MYOZ2: variants seen among roughly 807,000 people sequenced by gnomAD.
MYOZ2 encodes myozenin-2.
Under a neutral mutation model 25.4 loss-of-function variants are expected in MYOZ2, and 19 were observed. The observed-to-expected ratio is 0.75, with a 90% CI of 0.52 to 1.10. The LOEUF (loss-of-function observed/expected upper bound fraction) is 1.10. MYOZ2 is among the 50% of genes least tolerant of loss of function. The pLI, the probability that MYOZ2 is intolerant of heterozygous loss-of-function variation, is 0.00. For missense variants in MYOZ2, 270 were observed against 317.9 expected (o/e 0.85, Z 1.15); for synonymous variants, 92 against 106.9 (o/e 0.86, Z 0.86).
In MYOZ2 at chr4:119,164,396, T is replaced by C. The variant is rs1001798397; in HGVS notation, c.560+2T>C. Reference sequence around the variant, plus strand: ...GCCTGATTACAGGAGCTTTAACAGGTAATTCAATGGTCCTGGGTGACACTG... The same window carrying C: ...GCCTGATTACAGGAGCTTTAACAGGCAATTCAATGGTCCTGGGTGACACTG... On this transcript the variant is annotated splice_donor_variant, in intron 5 of 5. Transcript: ENST00000307128. LOFTEE classifies it high-confidence loss of function. 10 of 1,613,830 alleles carry C rather than the reference T, an allele frequency of 6.2e-6. No individual in the cohort carries two copies. Among genetic ancestry groups the C allele is most frequent in the South Asian group, 1.1e-5 (1 of 91,076 alleles).
intron 2 of MYOZ2, among the ~76,000 whole-genome samples, chr4:119,148,682 A>G (rs1741366987): frequency 6.8e-6 from 1 of 147,274 alleles, no homozygotes; most frequent in Admixed American, 6.8e-5. Flanking sequence ...TTGAGTTCTA[A>G]AATTTTTGTT....
intron 2 of MYOZ2, among the ~76,000 whole-genome samples, 164 bp from the exon 3 acceptor site, chr4:119,150,708 A>G (rs186598140): frequency 4.2e-4 from 64 of 152,240 alleles, no homozygotes; most frequent in Admixed American, 9.2e-4. Context: ...TATTAGTATT[A>G]TTAGCTCCAC....
chr4:119,153,947 A>C (rs1170297345), intron 3 of MYOZ2, among the ~76,000 whole-genome samples: 1 of 152,142 alleles, frequency 6.6e-6, no homozygotes, highest in Non-Finnish European at 1.5e-5. Context: ...AAAATAGGCC[A>C]CCAAAAATAA....
intron 4 of MYOZ2, among the ~76,000 whole-genome samples, chr4:119,162,420 G>C (rs1217666390): frequency 6.6e-6 from 1 of 152,214 alleles, no homozygotes; most frequent in Non-Finnish European, 1.5e-5. Flanking sequence ...GCAGTGTGGA[G>C]GCTGGCTGGG....
chr4:119,143,148 G>A (rs1272194247), intron 2 of MYOZ2, among the ~76,000 whole-genome samples: 2 of 151,882 alleles, frequency 1.3e-5, no homozygotes, highest in South Asian at 2.1e-4. Flanking sequence ...CCTTTTAAAG[G>A]TCTGAGCTCT....
At chr4:119,154,285 T>C (rs1283315142) in intron 3 of MYOZ2, among the ~76,000 whole-genome samples, 1 of 152,168 alleles carries the variant, frequency 6.6e-6, no homozygotes, top group Non-Finnish European at 1.5e-5. Flanking sequence ...CTATAGGATA[T>C]GGCTCTAGTT....
intron 3 of MYOZ2, among the ~76,000 whole-genome samples, chr4:119,154,604 A>G (rs913191958): frequency 6.6e-6 from 1 of 152,128 alleles, no homozygotes; most frequent in African/African-American, 2.4e-5. Flanking sequence ...ATTATTTGTA[A>G]GTTTAGGTGA....
intron 5 of MYOZ2, among the ~76,000 whole-genome samples, chr4:119,166,522 A>G (rs1344703679): frequency 6.6e-6 from 1 of 152,122 alleles, no homozygotes; most frequent in African/African-American, 2.4e-5. Flanking sequence ...AAAAAAAAAA[A>G]AGTATATGCA....
chr4:119,173,796 G>C (rs533736930), intron 5 of MYOZ2, among the ~76,000 whole-genome samples: 4 of 152,326 alleles, frequency 2.6e-5, no homozygotes, highest in Non-Finnish European at 4.4e-5. Flanking sequence ...GGAGAGGCCC[G>C]AGCGGGAACC....
At chr4:119,185,064 C>A (rs1055627388) in intron 5 of MYOZ2, among the ~76,000 whole-genome samples, 15 of 152,160 alleles carry the variant, frequency 9.9e-5, no homozygotes, top group African/African-American at 3.6e-4. Flanking sequence ...AACTGCCTCT[C>A]TTTTATTTTC....
At chr4:119,185,401 G>A (rs866531371) in intron 5 of MYOZ2, among the ~76,000 whole-genome samples, 25 of 152,054 alleles carry the variant, frequency 1.6e-4, no homozygotes, top group African/African-American at 4.6e-4. Context: ...TGCAACCTCC[G>A]CCTCCTGGGT....
At chr4:119,165,747 A>G (rs1741810904) in intron 5 of MYOZ2, among the ~76,000 whole-genome samples, 1 of 129,766 alleles carries the variant, frequency 7.7e-6, no homozygotes, top group Non-Finnish European at 1.8e-5. Flanking sequence ...CATTAGGGGA[A>G]AATGGAAATT....
At chr4:119,138,830 C>T (rs1407974832) in intron 2 of MYOZ2, among the ~76,000 whole-genome samples, 1 of 151,956 alleles carries the variant, frequency 6.6e-6, no homozygotes, top group Non-Finnish European at 1.5e-5. Flanking sequence ...ACTTGTTGTC[C>T]TCTTAACATG....
chr4:119,166,543 C>T (rs11733239), intron 5 of MYOZ2, among the ~76,000 whole-genome samples: 52,062 of 151,716 alleles, frequency 0.34, 10,304 homozygotes, highest in East Asian at 0.52. Context: ...CAGGGATACA[C>T]AAAGTTTAAG....
At chr4:119,174,229 A>G (rs1742005887) in intron 5 of MYOZ2, among the ~76,000 whole-genome samples, 1 of 152,230 alleles carries the variant, frequency 6.6e-6, no homozygotes, top group African/African-American at 2.4e-5. Flanking sequence ...GGGATCCTCT[A>G]GGTGAAGCCA....
chr4:119,185,465 C>T (rs893196368), intron 5 of MYOZ2, among the ~76,000 whole-genome samples: 3 of 152,158 alleles, frequency 2.0e-5, no homozygotes, highest in Non-Finnish European at 2.9e-5. Flanking sequence ...CAGGTGCCCG[C>T]CACCATGCCC....
At chr4:119,163,091 A>G (rs1741745510) in intron 4 of MYOZ2, among the ~76,000 whole-genome samples, 1 of 152,196 alleles carries the variant, frequency 6.6e-6, no homozygotes, top group Non-Finnish European at 1.5e-5. Context: ...GCTTTGAGGA[A>G]CAACAGTATT....
At chr4:119,172,192 G>A (rs1578742801) in intron 5 of MYOZ2, among the ~76,000 whole-genome samples, 1 of 152,196 alleles carries the variant, frequency 6.6e-6, no homozygotes, top group East Asian at 1.9e-4. Context: ...CAGGAGCAAG[G>A]AGGCTTGTAA....
At chr4:119,142,733 C>T (rs1381448531) in intron 2 of MYOZ2, among the ~76,000 whole-genome samples, 1 of 152,190 alleles carries the variant, frequency 6.6e-6, no homozygotes. Context: ...AATTTTTAAA[C>T]ATTTTAATAA....
Sources: allele counts gnomAD v4.1 joint callset (sites outside exome capture counted in the v4.1 genomes callset), GRCh38; gene constraint gnomAD v4.1.1; transcripts MANE v1.5; gene names NCBI Gene and HGNC (gene_info 2026-07-23, HGNC 2026-07-21).